Variants in AARS1 observed in about 807,000 individuals in gnomAD.
AARS1 encodes alanine--tRNA ligase, cytoplasmic.
AARS1 carries 72 observed loss-of-function variants against 108.9 expected under a neutral mutation model. That is an observed-to-expected ratio of 0.66 (90% CI 0.55 to 0.80). The LOEUF (loss-of-function observed/expected upper bound fraction) is 0.80. Among genes scored for constraint, AARS1 ranks in the 30% least tolerant of loss-of-function variants. The pLI is 0.00. For synonymous variants in AARS1, 489 were observed against 465.7 expected (o/e 1.05, Z -0.64); for missense variants, 1,193 against 1,233.2 (o/e 0.97, Z 0.49).
At position 70,268,242 on chromosome 16, in the gene AARS1, C is replaced by T. The variant is rs776964399; in HGVS notation, c.1071+29G>A. On this transcript the variant is annotated intron_variant, in intron 8 of 20. Coordinates refer to ENST00000261772, the MANE Select transcript of AARS1 (RefSeq NM_001605.3). ...TCCCTCTTAACGGACTGCTTTAGCA[C>T]AGAAGGGTAAGCAGAGAAATAAACC... The T allele has an allele frequency of 4.4e-6, 7 of 1,594,460 alleles. No individual in the cohort carries two copies. In the African/African-American group the frequency reaches 8.0e-5, roughly 18 times the overall value.
Position 70,277,083 on chromosome 16 carries a change from G to C in AARS1, c.216C>G (p.Thr72=). Residue 72 remains threonine, a synonymous_variant, in exon 3 of 21, where the codon ACC becomes ACG. Transcript: ENST00000261772. ...TGCCCCCAGCCCGGATGCACTTCTGGGTATTGGCAGCTCTGCTCAGCTTTG... is the reference window on the plus strand; with the variant it reads ...TGCCCCCAGCCCGGATGCACTTCTGCGTATTGGCAGCTCTGCTCAGCTTTG... ...PMAKLSRAAN[T]QKCIRAGGKH... 1 of 1,614,132 alleles carries C rather than the reference G, an allele frequency of 6.2e-7. No homozygotes were observed. Among genetic ancestry groups the C allele is most frequent in the Non-Finnish European group, 8.5e-7 (1 of 1,180,022 alleles).
At chr16:70,287,555 T>C (rs1037091944) in intron 1 of AARS1, among the ~76,000 whole-genome samples, 2 of 150,982 alleles carry the variant, frequency 1.3e-5, no homozygotes, top group African/African-American at 4.9e-5. Context: ...CTGGGCAACA[T>C]GGGAACACCT....
chr16:70,280,602 C>T (rs1019839183), intron 2 of AARS1, among the ~76,000 whole-genome samples: 10 of 152,120 alleles, frequency 6.6e-5, no homozygotes, highest in African/African-American at 2.2e-4. Flanking sequence ...ATCCTAAGGG[C>T]TGCAGATGCC....
chr16:70,261,058 G>A lies in AARS1; in HGVS notation c.1771C>T (p.Leu591=), dbSNP rs1960120363. ...ACCCAACTCACCTCATCAATAAACA[G>A]CCAGACCTGATCCCCCACTTTCAGG... ...GDLKVGDQVW[L]FIDEPRRRPI... Residue 591 remains leucine (L), a synonymous_variant, in exon 13 of 21, where the codon CTG becomes TTG. Transcript: ENST00000261772. The A allele has an allele frequency of 1.9e-6, 3 of 1,613,286 alleles. No homozygotes were observed. The highest frequency in any genetic ancestry group is 1.1e-5 in the South Asian group (1 of 91,054).
chr16:70,266,094 A>G (rs934928430), intron 9 of AARS1, among the ~76,000 whole-genome samples: 1 of 152,110 alleles, frequency 6.6e-6, no homozygotes, highest in Non-Finnish European at 1.5e-5. Context: ...CGGGCGGATC[A>G]GGAGGTCAGG....
intron 4 of AARS1, among the ~76,000 whole-genome samples, chr16:70,275,371 T>C (rs1487794570): frequency 1.3e-5 from 2 of 152,040 alleles, no homozygotes; most frequent in Non-Finnish European, 2.9e-5. Context: ...ATCCCAGCAC[T>C]TTGGGAGGCC....
chr16:70,272,242 T>C (rs1485835381), intron 4 of AARS1, among the ~76,000 whole-genome samples: 1 of 152,084 alleles, frequency 6.6e-6, no homozygotes, highest in Admixed American at 6.6e-5. Flanking sequence ...TGGTGGCTCA[T>C]GCCTGTAATC....
Position 70,284,300 on chromosome 16 carries a change from C to T in AARS1, c.-21-1516G>A, listed in dbSNP as rs550894710. ...CAGCCTGGGTGACAGAGCAAGACTC[C>T]GTCTCAAAAAAAACAAAAATGGCCG... is the stretch of plus-strand genomic sequence containing the variant. On this transcript the variant is annotated intron_variant, in intron 1 of 20. Coordinates refer to ENST00000261772, the MANE Select transcript of AARS1 (RefSeq NM_001605.3). Among the ~76,000 whole-genome samples the T allele has an allele frequency of 6.3e-5, 8 of 126,184 alleles. No individual in the cohort carries two copies. In the East Asian group the frequency reaches 1.3e-3, roughly 20 times the overall value. 82.8% of individuals were successfully genotyped at this position (126,184 alleles called of 152,430 possible).
At chr16:70,271,743 A>G in intron 5 of AARS1, 38 bp downstream of exon 5, 1 of 1,603,588 alleles carries the variant, frequency 6.2e-7, no homozygotes, top group South Asian at 1.1e-5. Flanking sequence ...TCCCCTGCTC[A>G]GCTCAAGGAA....
chr16:70,269,161 C>G (rs547964341), intron 7 of AARS1, among the ~76,000 whole-genome samples: 1 of 151,732 alleles, frequency 6.6e-6, no homozygotes, highest in Non-Finnish European at 1.5e-5. Flanking sequence ...CCCATCTTTA[C>G]TAAAAATACA....
chr16:70,252,654 T>G lies in AARS1; in HGVS notation c.*67A>C. On this transcript the variant is annotated 3_prime_UTR_variant, in exon 21 of 21. Transcript: ENST00000261772. ...CTTTAAAGGTCCCAAGATTCAAATG[T>G]TCTTGTAGCAGATGAAGAGCTCTTG... is the stretch of plus-strand genomic sequence containing the variant. The G allele has an allele frequency of 6.4e-7, 1 of 1,565,876 alleles. No individual in the cohort carries two copies. Among genetic ancestry groups the G allele is most frequent in the Non-Finnish European group, 8.8e-7 (1 of 1,139,702 alleles).
In AARS1 at chr16:70,264,968, A is replaced by G. The variant is rs747169978; in HGVS notation, c.1482T>C (p.Ser494=). Residue 494 remains serine, a synonymous_variant, in exon 11 of 21, where the codon AGT becomes AGC. Coordinates refer to ENST00000261772, the MANE Select transcript of AARS1 (RefSeq NM_001605.3). ...SPKYNYHLDS[S]GSYVFENTVA... is the part of the protein sequence containing the mutation. ...AGCACAGCAACATACCATAGCTACC[A>G]CTGGAGTCCAAATGGTAATTGTACT... 1 of 1,614,126 alleles carries G rather than the reference A, an allele frequency of 6.2e-7. No individual in the cohort carries two copies. The highest frequency in any genetic ancestry group is 8.5e-7 in the Non-Finnish European group (1 of 1,180,036).
At chr16:70,285,817 A>G (rs531869774) in intron 1 of AARS1, among the ~76,000 whole-genome samples, 2 of 152,146 alleles carry the variant, frequency 1.3e-5, no homozygotes, top group Non-Finnish European at 2.9e-5. Context: ...CCTGGCCTCA[A>G]TCTCCCAAGG....
At chr16:70,288,337 C>T (rs1470436581) in intron 1 of AARS1, among the ~76,000 whole-genome samples, 2 of 149,496 alleles carry the variant, frequency 1.3e-5, no homozygotes, top group Admixed American at 6.7e-5. Flanking sequence ...TCTCAATCTC[C>T]TGACCTCGTG....
At chr16:70,268,868 T>A (rs910892412) in intron 7 of AARS1, among the ~76,000 whole-genome samples, 4 of 152,232 alleles carry the variant, frequency 2.6e-5, no homozygotes, top group Admixed American at 2.6e-4. Flanking sequence ...GGGGGATTCT[T>A]CCACCTGCCC....
chr16:70,273,299 C>T (rs532069101), intron 4 of AARS1, among the ~76,000 whole-genome samples: 25 of 152,272 alleles, frequency 1.6e-4, no homozygotes, highest in Middle Eastern at 3.4e-3. Flanking sequence ...GGCACACACC[C>T]CATGTTCAGA....
intron 4 of AARS1, among the ~76,000 whole-genome samples, chr16:70,272,454 C>T (rs887681319): frequency 3.0e-5 from 4 of 132,660 alleles, no homozygotes; most frequent in African/African-American, 8.4e-5. Flanking sequence ...TGCGATGAGC[C>T]GGGATCGCGC....
At chr16:70,278,714 G>C (rs1960614899) in intron 2 of AARS1, among the ~76,000 whole-genome samples, 1 of 152,016 alleles carries the variant, frequency 6.6e-6, no homozygotes, top group Non-Finnish European at 1.5e-5. Flanking sequence ...TCCCGTATTA[G>C]ATCACAAACT....
chr16:70,277,157 A>G lies in AARS1; in HGVS notation c.145-3T>C, dbSNP rs1006628756. On this transcript the variant is annotated splice_region_variant and splice_polypyrimidine_tract_variant and intron_variant, in intron 2 of 20. Coordinates refer to ENST00000261772, the MANE Select transcript of AARS1 (RefSeq NM_001605.3). ...GTGTTCAGGAAAATGGGTTTAAACT[A>G]AAAGAGAAGGACAGCAGTTCAACTT... The G allele has an allele frequency of 6.2e-7, 1 of 1,614,102 alleles. No individual in the cohort carries two copies. Among genetic ancestry groups the G allele is most frequent in the South Asian group, 1.1e-5 (1 of 91,076 alleles).
Sources: allele counts gnomAD v4.1 joint callset (sites outside exome capture counted in the v4.1 genomes callset), GRCh38; gene constraint gnomAD v4.1.1; transcripts MANE v1.5; gene names NCBI Gene and HGNC (gene_info 2026-07-23, HGNC 2026-07-21).